Variants in TMTC1 observed in about 807,000 individuals in gnomAD.
TMTC1 encodes protein O-mannosyl-transferase TMTC1.
In TMTC1, 73 loss-of-function variants were observed where a neutral mutation model predicts 104.8. The ratio of observed to expected loss-of-function variants is 0.70; its 90% CI spans 0.58 to 0.85. The LOEUF is 0.85. TMTC1 is among the 40% of genes least tolerant of loss of function. TMTC1 has a pLI of 0.00. For synonymous variants in TMTC1, 434 were observed against 428.7 expected, an observed-to-expected ratio of 1.01 and a Z score of -0.15; for missense variants, 1,035 against 1,096.1, an observed-to-expected ratio of 0.94 and a Z score of 0.79.
intron 1 of TMTC1, among the ~76,000 whole-genome samples, chr12:29,770,564 G>T (rs1309357263): frequency 6.6e-6 from 1 of 152,122 alleles, no homozygotes; most frequent in African/African-American, 2.4e-5. Flanking sequence ...ACACAAGAAT[G>T]CCTGGTGTAT....
At chr12:29,689,947 T>A (rs1194639184) in intron 5 of TMTC1, among the ~76,000 whole-genome samples, 1 of 152,206 alleles carries the variant, frequency 6.6e-6, no homozygotes, top group Non-Finnish European at 1.5e-5. Flanking sequence ...GATCATTGCA[T>A]ATTTGACCAA....
chr12:29,750,493 AGAACATGCCTG>A (rs1943063779), intron 5 of TMTC1, among the ~76,000 whole-genome samples: 2 of 152,236 alleles, frequency 1.3e-5, no homozygotes, highest in South Asian at 4.1e-4. Flanking sequence ...CCTGGTGCCT[AGAACATGCCTG>A]GCACTTGTCA....
chr12:29,783,950 C>A (rs1158771455), upstream of TMTC1: 1 of 271,740 alleles, frequency 3.7e-6, no homozygotes, highest in Non-Finnish European at 5.9e-6. The surrounding 1 kb of genome is among the most constrained non-coding windows in gnomAD (Gnocchi z 4.7). Context: ...AACAGCAGTC[C>A]CCCCGCCTCC....
intron 1 of TMTC1, among the ~76,000 whole-genome samples, chr12:29,776,990 AG>A (rs1221024888): frequency 6.6e-6 from 1 of 152,210 alleles, no homozygotes; most frequent in Non-Finnish European, 1.5e-5. Flanking sequence ...AGAGGTAGCC[AG>A]GGGTCAGATC....
At chr12:29,572,044 A>T (rs1945692262) in intron 9 of TMTC1, 61 bp downstream of exon 9, 8 of 1,333,410 alleles carry the variant, frequency 6.0e-6, no homozygotes, top group Non-Finnish European at 8.6e-6. Flanking sequence ...GGGAGGGCCA[A>T]GTGAAATAAA....
Position 29,690,297 on chromosome 12 carries a change from C to T in TMTC1, c.939-56961G>A, listed in dbSNP as rs546799271. Among the ~76,000 whole-genome samples, 12 of 152,214 alleles carry T rather than the reference C, an allele frequency of 7.9e-5. No homozygotes were observed. The South Asian group carries it at 2.1e-3, about 26-fold the overall frequency. Reference sequence around the variant, plus strand: ...ATATTGCTTTCCTTATGAGATGAGACGGAAGGAAAATGTGCTATTCGCATC... The same window carrying T: ...ATATTGCTTTCCTTATGAGATGAGATGGAAGGAAAATGTGCTATTCGCATC... On this transcript the variant is annotated intron_variant, in intron 5 of 17. Coordinates refer to ENST00000539277, the MANE Select transcript of TMTC1 (RefSeq NM_001193451.2).
At chr12:29,745,231 C>T (rs988523445) in intron 5 of TMTC1, among the ~76,000 whole-genome samples, 5 of 152,176 alleles carry the variant, frequency 3.3e-5, no homozygotes, top group African/African-American at 1.2e-4. Flanking sequence ...CAACCACCTC[C>T]CTTCTGCAGT....
At chr12:29,639,355 C>T (rs1434805404) in intron 5 of TMTC1, among the ~76,000 whole-genome samples, 1 of 152,036 alleles carries the variant, frequency 6.6e-6, no homozygotes, top group Non-Finnish European at 1.5e-5. Context: ...GGCAGGGCCA[C>T]CCAAGAGTAA....
At chr12:29,653,769 C>T (rs1397338520) in intron 5 of TMTC1, among the ~76,000 whole-genome samples, 1 of 152,144 alleles carries the variant, frequency 6.6e-6, no homozygotes, top group Non-Finnish European at 1.5e-5. Context: ...TAATGATGAC[C>T]TCCAATTCCA....
chr12:29,531,196 C>T (rs1944493606), intron 11 of TMTC1, among the ~76,000 whole-genome samples: 1 of 152,124 alleles, frequency 6.6e-6, no homozygotes, highest in Non-Finnish European at 1.5e-5. Flanking sequence ...TAAATATGTG[C>T]TCAGTAATTA....
At chr12:29,730,292 A>G (rs1418104231) in intron 5 of TMTC1, among the ~76,000 whole-genome samples, 3 of 152,222 alleles carry the variant, frequency 2.0e-5, no homozygotes, top group Non-Finnish European at 4.4e-5. Flanking sequence ...GAACTACACC[A>G]CAGGTGAATA....
chr12:29,768,133 C>T, intron 1 of TMTC1, 58 bp from the exon 2 acceptor site: 1 of 1,241,716 alleles, frequency 8.1e-7, no homozygotes, highest in Admixed American at 2.6e-5. Flanking sequence ...AACATAAACA[C>T]AAGGAACACA....
intron 10 of TMTC1, 23 bp from the exon 11 acceptor site, chr12:29,536,340 G>A (rs368249299): frequency 7.1e-7 from 1 of 1,402,404 alleles, no homozygotes; most frequent in Non-Finnish European, 1.0e-6. Context: ...ATGAAGGGGT[G>A]GGGGAGAACA....
chr12:29,736,177 G>A (rs983020371), intron 5 of TMTC1, among the ~76,000 whole-genome samples: 1 of 149,794 alleles, frequency 6.7e-6, no homozygotes, highest in African/African-American at 2.5e-5. Flanking sequence ...CATTGCCCCT[G>A]AGGAGACAGC....
intron 2 of TMTC1, among the ~76,000 whole-genome samples, chr12:29,759,685 C>A (rs1232694091): frequency 1.3e-5 from 2 of 152,144 alleles, no homozygotes; most frequent in African/African-American, 4.8e-5. Flanking sequence ...AAAGAGAACA[C>A]CAGCTCCTTG....
Position 29,783,662 on chromosome 12 carries a change from C to T in TMTC1, c.90G>A (p.Ala30=), listed in dbSNP as rs1434197775. 2 of 1,371,186 alleles carry T rather than the reference C, an allele frequency of 1.5e-6. No individual in the cohort carries two copies. The highest frequency in any genetic ancestry group is 1.9e-6 in the Non-Finnish European group (2 of 1,063,350). 84.9% of individuals were successfully genotyped at this position (1,371,186 alleles called of 1,614,324 possible). The change falls in exon 1 of 18, where the codon GCG becomes GCA. Residue 30 remains alanine, a synonymous_variant. Transcript: ENST00000539277. The surrounding 1 kb of genome is among the most constrained non-coding windows in gnomAD (Gnocchi z 4.7). ...GGCAGCTTGCCCCGGCCAGCAGCGC[C>T]GCGGCCCCGGCCGGCGCTAGCCCGC... ...RGCGLAPAGA[A]ALLAGASCLC... is the part of the protein sequence containing the mutation.
At chr12:29,529,497 G>A (rs565089594) in intron 11 of TMTC1, among the ~76,000 whole-genome samples, 1 of 152,134 alleles carries the variant, frequency 6.6e-6, no homozygotes, top group Non-Finnish European at 1.5e-5. Flanking sequence ...TTAGTAAATA[G>A]TAATACATTG....
chr12:29,722,378 A>C (rs2136885118), intron 5 of TMTC1, among the ~76,000 whole-genome samples: 1 of 152,308 alleles, frequency 6.6e-6, no homozygotes, highest in South Asian at 2.1e-4. Flanking sequence ...AAAGATTTAT[A>C]TGTTAAAAGC....
intron 7 of TMTC1, among the ~76,000 whole-genome samples, chr12:29,597,360 C>T (rs1352991231): frequency 6.6e-6 from 1 of 151,460 alleles, no homozygotes; most frequent in Non-Finnish European, 1.5e-5. Context: ...CAGGTGTGAG[C>T]CACCATGCCT....
Sources: gnomAD v4.1 joint callset for allele counts (sites outside exome capture counted in the v4.1 genomes callset) on GRCh38, gnomAD v4.1.1 for gene constraint, Gnocchi (gnomAD v3.1) non-coding constraint, MANE v1.5 for transcripts, NCBI Gene and HGNC (gene_info 2026-07-23, HGNC 2026-07-21) for gene names.